The following TRAPPC12 variants were observed in gnomAD, a reference collection of about 807,000 sequenced individuals.
TRAPPC12 encodes the protein TPR repeat protein 15.
Under a neutral mutation model 69.2 loss-of-function variants are expected in TRAPPC12, and 61 were observed. That is an observed-to-expected ratio of 0.88 (90% CI 0.72 to 1.09). The LOEUF (loss-of-function observed/expected upper bound fraction) is 1.09, where lower values mean the gene tolerates loss of function less well. Ranked by LOEUF, TRAPPC12 falls within the 50% of genes least tolerant of loss-of-function variation. The pLI is 0.00. For synonymous variants in TRAPPC12, 469 were observed against 438.9 expected (o/e 1.07, Z -0.86); for missense variants, 1,101 against 1,016.4 (o/e 1.08, Z -1.13).
intron 8 of TRAPPC12, among the ~76,000 whole-genome samples, chr2:3,462,615 G>GT (rs1328933146): frequency 6.6e-6 from 1 of 152,188 alleles, no homozygotes; most frequent in East Asian, 1.9e-4. Flanking sequence ...GTATTCATAC[G>GT]TTTTAGCCCT....
chr2:3,401,904 A>G lies in TRAPPC12; in HGVS notation c.1164+11A>G, dbSNP rs1000593402. 7 of 1,536,112 alleles carry G rather than the reference A, an allele frequency of 4.6e-6. No homozygotes were observed. Among genetic ancestry groups the G allele is most frequent in the South Asian group, 1.2e-5 (1 of 82,412 alleles). ...TTGAAACAGCTAATCGTAAGTGACA[A>G]TGTGTTTGATTTCAGTGTTGTTTTG... On this transcript the variant is annotated intron_variant, in intron 3 of 11. Transcript: ENST00000324266.
intron 2 of TRAPPC12, among the ~76,000 whole-genome samples, chr2:3,394,625 T>TA (rs77663033): frequency 2.9e-4 from 41 of 141,468 alleles, no homozygotes; most frequent in East Asian, 6.4e-4. Flanking sequence ...TGTCTGAGGT[T>TA]AAAAAAAAAA....
Position 3,399,816 on chromosome 2 carries a change from C to G in TRAPPC12, c.1048-1961C>G, listed in dbSNP as rs1048589313. 1.2e-4 allele frequency among the ~76,000 whole-genome samples: 17 copies of G among 147,346 alleles called. No homozygotes were observed. The South Asian group carries it at 3.0e-3, about 26-fold the overall frequency. ...GCTTTTCTTTCCCCCGCTCCCCCCG[C>G]CACCGCCCCGCCGCCAAAAAAAAAA... On this transcript the variant is annotated intron_variant, in intron 2 of 11. Coordinates refer to ENST00000324266, the MANE Select transcript of TRAPPC12 (RefSeq NM_016030.6).
chr2:3,468,538 C>T (rs980163193), intron 9 of TRAPPC12, among the ~76,000 whole-genome samples: 5 of 152,164 alleles, frequency 3.3e-5, no homozygotes, highest in Non-Finnish European at 7.3e-5. Context: ...GCGCTGTAAG[C>T]GTAACTTGCT....
At chr2:3,394,088 C>G (rs1440414937) in intron 2 of TRAPPC12, among the ~76,000 whole-genome samples, 1 of 152,166 alleles carries the variant, frequency 6.6e-6, no homozygotes, top group East Asian at 1.9e-4. Flanking sequence ...ATTGACTCTA[C>G]CTTCCTCAAC....
intron 2 of TRAPPC12, among the ~76,000 whole-genome samples, chr2:3,401,349 G>A (rs1262493914): frequency 6.6e-6 from 1 of 152,174 alleles, no homozygotes; most frequent in Non-Finnish European, 1.5e-5. Context: ...GCACCAGCGC[G>A]AGGCTGGCCA....
At chr2:3,404,452 C>A (rs770366611) in intron 3 of TRAPPC12, among the ~76,000 whole-genome samples, 13 of 151,962 alleles carry the variant, frequency 8.6e-5, no homozygotes, top group Non-Finnish European at 1.9e-4. Context: ...CCAAAAAAAT[C>A]TTTTTTTGGA....
chr2:3,382,806 C>T (rs187005136), intron 1 of TRAPPC12, among the ~76,000 whole-genome samples: 2 of 152,318 alleles, frequency 1.3e-5, no homozygotes, highest in Non-Finnish European at 2.9e-5. Flanking sequence ...CACCTGTAGT[C>T]CCAGCTACTC....
chr2:3,387,484 C>T (rs761504785), intron 1 of TRAPPC12, 136 bp from the exon 2 acceptor site: 18 of 747,434 alleles, frequency 2.4e-5, no homozygotes, highest in Non-Finnish European at 3.6e-5. Context: ...GTGTATTTTA[C>T]CATAATCAAA....
chr2:3,404,562 G>A (rs1661623057), intron 3 of TRAPPC12, among the ~76,000 whole-genome samples: 1 of 152,092 alleles, frequency 6.6e-6, no homozygotes, highest in South Asian at 2.1e-4. Flanking sequence ...GCATGAACTG[G>A]GAGGTGACAT....
chr2:3,467,164 G>T (rs939232271), intron 9 of TRAPPC12, among the ~76,000 whole-genome samples: 1 of 152,154 alleles, frequency 6.6e-6, no homozygotes, highest in African/African-American at 2.4e-5. Flanking sequence ...CCCATCTGGC[G>T]CACAGAATGT....
Position 3,387,868 on chromosome 2 carries a change from C to T in TRAPPC12, c.245C>T (p.Ala82Val), listed in dbSNP as rs749587177. The T allele has an allele frequency of 1.9e-6, 3 of 1,593,304 alleles. No individual in the cohort carries two copies. The highest frequency in any genetic ancestry group is 2.6e-6 in the Non-Finnish European group (3 of 1,166,526). Residue 82 changes from alanine (A) to valine (V), a missense_variant, in exon 2 of 12, where the codon GCG (alanine) becomes GTG (valine). By Grantham distance (64) the Ala-to-Val change is moderately conservative. Transcript: ENST00000324266. The part of the protein sequence containing the change: ...ISDSPNSEGD[A>V]GDLGRVRDEA... Reference sequence around the variant, plus strand: ...GACTCCCCCAACAGCGAGGGCGACGCGGGCGACCTGGGCCGAGTGCGGGAC... The same window carrying T: ...GACTCCCCCAACAGCGAGGGCGACGTGGGCGACCTGGGCCGAGTGCGGGAC...
intron 3 of TRAPPC12, among the ~76,000 whole-genome samples, chr2:3,416,380 A>G (rs946070043): frequency 6.6e-6 from 1 of 152,042 alleles, no homozygotes; most frequent in Non-Finnish European, 1.5e-5. Context: ...GCATTCTGTG[A>G]GCTTTCCTGT....
chr2:3,386,059 G>A (rs1181719066), intron 1 of TRAPPC12, among the ~76,000 whole-genome samples: 1 of 152,204 alleles, frequency 6.6e-6, no homozygotes, highest in East Asian at 1.9e-4. Flanking sequence ...ATTAGTAGCT[G>A]ACCAGGCTGA....
intron 5 of TRAPPC12, 73 bp from the exon 6 acceptor site, chr2:3,443,706 C>G: frequency 8.4e-7 from 1 of 1,193,262 alleles, no homozygotes. Context: ...GCGACGCCTC[C>G]TTCAAGTGTG....
chr2:3,457,022 A>G (rs936364876), intron 6 of TRAPPC12: 3 of 452,852 alleles, frequency 6.6e-6, no homozygotes, highest in Non-Finnish European at 1.3e-5. Context: ...CTGTCGCCCC[A>G]CGCCATAGGG....
At chr2:3,435,255 C>G (rs563570343) in intron 5 of TRAPPC12, among the ~76,000 whole-genome samples, 2 of 152,246 alleles carry the variant, frequency 1.3e-5, no homozygotes, top group African/African-American at 2.4e-5. Context: ...CTCAAGTGAT[C>G]TGCCCGCCTC....
chr2:3,425,604 T>C (rs1329965407), intron 5 of TRAPPC12, among the ~76,000 whole-genome samples: 1 of 152,226 alleles, frequency 6.6e-6, no homozygotes, highest in Non-Finnish European at 1.5e-5. Context: ...GCTGGTTTTC[T>C]TACTCTCTTC....
intron 5 of TRAPPC12, among the ~76,000 whole-genome samples, chr2:3,432,010 A>G (rs1347131379): frequency 6.6e-6 from 1 of 152,242 alleles, no homozygotes; most frequent in African/African-American, 2.4e-5. Flanking sequence ...GTAAACTTTC[A>G]TAGTGCTTTG....
Sources: allele counts gnomAD v4.1 joint callset (sites outside exome capture counted in the v4.1 genomes callset), GRCh38; gene constraint gnomAD v4.1.1; transcripts MANE v1.5; gene names NCBI Gene and HGNC (gene_info 2026-07-23, HGNC 2026-07-21).